The following TNFSF8 variants were observed in gnomAD, a reference collection of about 807,000 sequenced individuals.
TNFSF8 encodes TNF superfamily member 8.
TNFSF8 carries 4 observed loss-of-function variants against 22.0 expected under a neutral mutation model. The observed-to-expected ratio is 0.18, with a 90% confidence interval of 0.09 to 0.42. The LOEUF is 0.42. Ranked by LOEUF, TNFSF8 falls within the 10% of genes least tolerant of loss-of-function variation. The pLI, the probability that TNFSF8 is intolerant of heterozygous loss-of-function variation, is 1.00. For synonymous variants in TNFSF8, 106 were observed against 112.5 expected (o/e 0.94, Z 0.37); for missense variants, 233 against 281.8 (o/e 0.83, Z 1.24).
chr9:114,896,314 C>T (rs555805446), downstream of TNFSF8, among the ~76,000 whole-genome samples: 4 of 152,310 alleles, frequency 2.6e-5, no homozygotes, highest in East Asian at 5.8e-4. Flanking sequence ...AGATTTAAAC[C>T]ACTGACTCTT....
Position 114,903,751 on chromosome 9 carries a change from TA to T in TNFSF8, c.*179del. 7.3e-7 allele frequency: 1 copy of T among 1,367,910 alleles called. No individual in the cohort carries two copies. 84.7% of individuals were successfully genotyped at this position (1,367,910 alleles called of 1,614,324 possible). A position where few individuals can be genotyped will look rare whatever the true frequency, so the allele number is the denominator to read the frequency against. ...GCCTGCTATCTGAAAGATACTTCACTAAAAACTCTCTTTTTAACCCTGGAGC... is the reference window on the plus strand; with the variant it reads ...GCCTGCTATCTGAAAGATACTTCACTAAAACTCTCTTTTTAACCCTGGAGC... On this transcript the variant is annotated 3_prime_UTR_variant, in exon 4 of 4. Transcript: ENST00000223795.
At position 114,904,068 on chromosome 9, in the gene TNFSF8, G is replaced by A. The variant is rs376230449; in HGVS notation, c.568C>T (p.Leu190Phe). ...GMQTKHVYQN[L>F]SQFLLDYLQV... is the part of the protein sequence containing the mutation. Reference sequence around the variant, plus strand: ...AGGTAATCCAGCAAGAATTGAGAGAGATTCTGGTATACGTGTTTCGTTTGC... The same window carrying A: ...AGGTAATCCAGCAAGAATTGAGAGAAATTCTGGTATACGTGTTTCGTTTGC... Residue 190 changes from leucine to phenylalanine, a missense_variant, in exon 4 of 4, where the codon CTC (leucine) becomes TTC (phenylalanine). Coordinates refer to ENST00000223795, the MANE Select transcript of TNFSF8 (RefSeq NM_001244.4). 2 of 1,614,134 alleles carry A rather than the reference G, an allele frequency of 1.2e-6. No individual in the cohort carries two copies. Among genetic ancestry groups the A allele is most frequent in the Non-Finnish European group, 1.7e-6 (2 of 1,179,988 alleles).
At chr9:114,912,718 C>T (rs2131344783) in intron 2 of TNFSF8, among the ~76,000 whole-genome samples, 2 of 152,314 alleles carry the variant, frequency 1.3e-5, no homozygotes, top group South Asian at 4.1e-4. Flanking sequence ...CTGATTGTGA[C>T]CATGGGACAT....
At chr9:114,896,923 T>C (rs1827661386), downstream of TNFSF8, among the ~76,000 whole-genome samples, 1 of 152,182 alleles carries the variant, frequency 6.6e-6, no homozygotes, top group Non-Finnish European at 1.5e-5. Context: ...TTTTTTGAGA[T>C]TGAGTTTCAC....
At position 114,904,206 on chromosome 9, in the gene TNFSF8, G is replaced by T. The variant is rs753894402; in HGVS notation, c.430C>A (p.Gln144Lys). ...GGGCATTGTACAAGAAACTGCAGTT[G>T]GCAAATGATGAAGTACAAACCAGGG... is the stretch of plus-strand genomic sequence containing the variant. ...QFPGLYFIIC[Q>K]LQFLVQCPNN... Residue 144 changes from glutamine to lysine, a missense_variant, in exon 4 of 4, where the codon CAA (glutamine) becomes AAA (lysine). Gln to Lys is a moderately conservative substitution (Grantham distance 53). Transcript: ENST00000223795. The T allele has an allele frequency of 1.2e-6, 2 of 1,614,132 alleles. No homozygotes were observed. The highest frequency in any genetic ancestry group is 1.7e-5 in the Admixed American group (1 of 60,020).
At chr9:114,912,517 G>A (rs1307647092) in intron 2 of TNFSF8, among the ~76,000 whole-genome samples, 1 of 152,206 alleles carries the variant, frequency 6.6e-6, no homozygotes, top group Non-Finnish European at 1.5e-5. Context: ...AGCCTCTTGA[G>A]TAGCTGGGAC....
downstream of TNFSF8, among the ~76,000 whole-genome samples, chr9:114,898,687 A>G (rs974882869): frequency 6.6e-6 from 1 of 152,176 alleles, no homozygotes; most frequent in African/African-American, 2.4e-5. Flanking sequence ...TGTTGTTATT[A>G]TATTCATGAG....
At chr9:114,905,720 G>A (rs1169216065) in intron 3 of TNFSF8, 108 bp downstream of exon 3, 1 of 844,010 alleles carries the variant, frequency 1.2e-6, no homozygotes, top group African/African-American at 1.7e-5. Flanking sequence ...CACATCTGCA[G>A]GTCACATTTG....
downstream of TNFSF8, among the ~76,000 whole-genome samples, chr9:114,899,461 G>T (rs536044169): frequency 6.6e-6 from 1 of 151,280 alleles, no homozygotes; most frequent in Admixed American, 6.6e-5. Context: ...ATCTTCCATC[G>T]CAGAGTTTCA....
In TNFSF8 at chr9:114,902,801, T is replaced by A; in HGVS notation, c.*1130A>T. ...GCAATTCAAACCCAGTCCTTTCATTTTCTAGACTTGGATCCTGAGTTCCAG... is the reference window on the plus strand; with the variant it reads ...GCAATTCAAACCCAGTCCTTTCATTATCTAGACTTGGATCCTGAGTTCCAG... On this transcript the variant is annotated 3_prime_UTR_variant, in exon 4 of 4. Coordinates refer to ENST00000223795, the MANE Select transcript of TNFSF8 (RefSeq NM_001244.4). The A allele has an allele frequency of 1.0e-6, 1 of 974,294 alleles. No individual in the cohort carries two copies. 60.4% of individuals were successfully genotyped at this position (974,294 alleles called of 1,614,324 possible).
At chr9:114,899,960 A>G (rs1032009942), downstream of TNFSF8, among the ~76,000 whole-genome samples, 1 of 152,216 alleles carries the variant, frequency 6.6e-6, no homozygotes, top group Non-Finnish European at 1.5e-5. Context: ...GGTGTGCAAG[A>G]AGAAGATGTG....
At chr9:114,905,721 G>T in intron 3 of TNFSF8, 107 bp downstream of exon 3, 1 of 854,626 alleles carries the variant, frequency 1.2e-6, no homozygotes. Context: ...ACATCTGCAG[G>T]TCACATTTGG....
intron 2 of TNFSF8, 79 bp downstream of exon 2, chr9:114,918,017 G>A (rs1013581630): frequency 2.8e-6 from 4 of 1,420,994 alleles, no homozygotes; most frequent in Non-Finnish European, 3.8e-6. Context: ...GTTGTTTCTG[G>A]TTGATAATCA....
Position 114,893,601 on chromosome 9 carries a change from A to C in TNFSF8, c.*478T>G, listed in dbSNP as rs1438108716. The C allele has an allele frequency of 3.6e-5, 6 of 165,566 alleles. No homozygotes were observed. In the East Asian group the frequency reaches 1.0e-3, roughly 29 times the overall value. 10.3% of individuals were successfully genotyped at this position (165,566 alleles called of 1,614,324 possible). ...AATCTTTCATTTAATCAAGAAATAT[A>C]TATCAAATGCCTGCTGTGTCAAAAA... On this transcript the variant is annotated 3_prime_UTR_variant, in exon 5 of 5. Transcript: ENST00000618336.
At chr9:114,896,998 G>C (rs1035897581), downstream of TNFSF8, among the ~76,000 whole-genome samples, 4 of 152,108 alleles carry the variant, frequency 2.6e-5, no homozygotes, top group Admixed American at 6.5e-5. Flanking sequence ...CTTCTCCTGG[G>C]TTCAAGCGAT....
At chr9:114,907,704 T>C (rs1302132649) in intron 2 of TNFSF8, among the ~76,000 whole-genome samples, 1 of 152,192 alleles carries the variant, frequency 6.6e-6, no homozygotes. Context: ...ACAGTGATAA[T>C]AATATGAATG....
chr9:114,900,711 G>A (rs1008062098), downstream of TNFSF8, among the ~76,000 whole-genome samples: 1 of 152,170 alleles, frequency 6.6e-6, no homozygotes, highest in Admixed American at 6.5e-5. Flanking sequence ...GCCAGGTGTG[G>A]TTGCTCACGC....
At chr9:114,925,638 A>C (rs1290806042) in intron 1 of TNFSF8, among the ~76,000 whole-genome samples, 1 of 152,174 alleles carries the variant, frequency 6.6e-6, no homozygotes, top group African/African-American at 2.4e-5. Context: ...TACTCCCCTT[A>C]AACAGGTGCT....
At chr9:114,918,969 T>C (rs182837518) in intron 1 of TNFSF8, among the ~76,000 whole-genome samples, 1 of 152,268 alleles carries the variant, frequency 6.6e-6, no homozygotes, top group East Asian at 1.9e-4. Context: ...TTTCTTTTTT[T>C]TTCCTTCTGG....
Sources: allele counts gnomAD v4.1 joint callset (sites outside exome capture counted in the v4.1 genomes callset), GRCh38; gene constraint gnomAD v4.1.1; transcripts MANE v1.5; gene names NCBI Gene and HGNC (gene_info 2026-07-23, HGNC 2026-07-21).